The following CDH12 variants were observed in gnomAD, a reference collection of about 807,000 sequenced individuals.
CDH12 encodes cadherin 12.
A neutral mutation model predicts 74.1 loss-of-function variants in CDH12; 41 were observed. That is an observed-to-expected ratio of 0.55 (90% CI 0.43 to 0.72). CDH12 has a LOEUF of 0.72. CDH12 is among the 30% of genes least tolerant of loss of function. CDH12 has a pLI of 0.00. For synonymous variants in CDH12, 399 were observed against 355.0 expected, an observed-to-expected ratio of 1.12 and a Z score of -1.39; for missense variants, 945 against 977.2, an observed-to-expected ratio of 0.97 and a Z score of 0.44.
chr5:22,528,403 G>A (rs1737386902), intron 1 of CDH12, among the ~76,000 whole-genome samples: 1 of 151,948 alleles, frequency 6.6e-6, no homozygotes, highest in Non-Finnish European at 1.5e-5. Flanking sequence ...CAACTTTCAG[G>A]ATCACACTCC....
chr5:22,709,243 A>C (rs1344154546), intron 1 of CDH12, among the ~76,000 whole-genome samples: 1 of 152,212 alleles, frequency 6.6e-6, no homozygotes, highest in Non-Finnish European at 1.5e-5. Context: ...GCAAACAAAT[A>C]ATAACCGGAA....
intron 5 of CDH12, among the ~76,000 whole-genome samples, chr5:21,978,911 T>G (rs1235730431): frequency 1.3e-5 from 2 of 152,200 alleles, no homozygotes; most frequent in Non-Finnish European, 2.9e-5. Flanking sequence ...TGAAACTGCT[T>G]TCTCAAATAT....
intron 1 of CDH12, among the ~76,000 whole-genome samples, chr5:22,781,789 G>T (rs1747397241): frequency 6.6e-6 from 1 of 152,206 alleles, no homozygotes; most frequent in African/African-American, 2.4e-5. Flanking sequence ...AGCAGACAAG[G>T]GATTGGAGGA....
At chr5:22,195,929 G>T (rs1195571804) in intron 4 of CDH12, among the ~76,000 whole-genome samples, 2 of 151,862 alleles carry the variant, frequency 1.3e-5, no homozygotes, top group African/African-American at 4.8e-5. Context: ...CAACCTATTA[G>T]TAGCAATAAT....
At chr5:22,738,787 G>A (rs1205391726) in intron 1 of CDH12, among the ~76,000 whole-genome samples, 1 of 151,786 alleles carries the variant, frequency 6.6e-6, no homozygotes, top group African/African-American at 2.4e-5. Flanking sequence ...TACTTCAAAG[G>A]CACACAGGAA....
chr5:22,470,975 G>T (rs529212322), intron 2 of CDH12, among the ~76,000 whole-genome samples: 1 of 151,958 alleles, frequency 6.6e-6, no homozygotes, highest in African/African-American at 2.4e-5. Flanking sequence ...TTAATTTAAG[G>T]GCATGTCCAA....
At chr5:22,455,794 A>T (rs1296227152) in intron 2 of CDH12, among the ~76,000 whole-genome samples, 1 of 152,204 alleles carries the variant, frequency 6.6e-6, no homozygotes, top group African/African-American at 2.4e-5. Context: ...TAAAAGGAGC[A>T]TCTACAGAGA....
At chr5:22,084,146 C>T (rs191688781) in intron 4 of CDH12, among the ~76,000 whole-genome samples, 2 of 152,202 alleles carry the variant, frequency 1.3e-5, no homozygotes, top group Non-Finnish European at 2.9e-5. Context: ...CCCATCAAGG[C>T]ACTAAACAGG....
chr5:22,794,459 C>T (rs1037459804), intron 1 of CDH12, among the ~76,000 whole-genome samples: 5 of 152,110 alleles, frequency 3.3e-5, no homozygotes, highest in Non-Finnish European at 5.9e-5. Flanking sequence ...TTAACTGGAG[C>T]GGAGTCTGGG....
intron 3 of CDH12, among the ~76,000 whole-genome samples, chr5:22,213,181 G>A (rs1229628957): frequency 1.3e-5 from 2 of 152,128 alleles, no homozygotes; most frequent in Admixed American, 6.5e-5. Context: ...AACCTTTGTC[G>A]AACTAAAATG....
At chr5:21,991,362 TG>T (rs1757741547) in intron 5 of CDH12, among the ~76,000 whole-genome samples, 1 of 151,674 alleles carries the variant, frequency 6.6e-6, no homozygotes, top group South Asian at 2.1e-4. Flanking sequence ...TACACAGATT[TG>T]TGCATGTGTA....
At chr5:22,705,130 T>TATATATACACACATACACACACAC in intron 1 of CDH12, among the ~76,000 whole-genome samples, 1 of 125,616 alleles carries the variant, frequency 8.0e-6, no homozygotes, top group African/African-American at 3.0e-5. Context: ...TATATATATA[T>TATATATACACACATACACACACAC]ACACACACAC....
At chr5:22,776,392 C>T (rs1326308064) in intron 1 of CDH12, among the ~76,000 whole-genome samples, 4 of 152,116 alleles carry the variant, frequency 2.6e-5, no homozygotes, top group Non-Finnish European at 5.9e-5. Context: ...TGATCCCTGT[C>T]CGTCCTTGAG....
chr5:22,433,024 G>A (rs1289560399), intron 2 of CDH12, among the ~76,000 whole-genome samples: 4 of 152,066 alleles, frequency 2.6e-5, no homozygotes, highest in Non-Finnish European at 5.9e-5. Context: ...TACTTTCCCA[G>A]AAGTGATTAG....
chr5:22,185,122 C>T (rs548473649), intron 4 of CDH12, among the ~76,000 whole-genome samples: 5 of 152,102 alleles, frequency 3.3e-5, no homozygotes, highest in Non-Finnish European at 7.3e-5. Flanking sequence ...CTTCCTTCTC[C>T]CTTCTACTTC....
intron 5 of CDH12, among the ~76,000 whole-genome samples, chr5:22,004,347 A>T (rs914224791): frequency 1.3e-5 from 2 of 152,186 alleles, no homozygotes; most frequent in African/African-American, 4.8e-5. Context: ...AAATGAGGGG[A>T]CTAGTGTACA....
chr5:22,423,897 G>A (rs1035631189), intron 2 of CDH12, among the ~76,000 whole-genome samples: 1 of 151,158 alleles, frequency 6.6e-6, no homozygotes, highest in Non-Finnish European at 1.5e-5. Flanking sequence ...CGGCTACTTG[G>A]GTGGCTGAGG....
chr5:22,056,193 T>A (rs1350541241), intron 5 of CDH12, among the ~76,000 whole-genome samples: 1 of 152,152 alleles, frequency 6.6e-6, no homozygotes, highest in Admixed American at 6.6e-5. Context: ...TTATGTATAA[T>A]CACATTTATT....
chr5:22,253,521 A>T (rs1387551146), intron 3 of CDH12, among the ~76,000 whole-genome samples: 1 of 151,914 alleles, frequency 6.6e-6, no homozygotes, highest in Non-Finnish European at 1.5e-5. Context: ...AATAATTTAC[A>T]TATTTTCTGT....
Sources: gnomAD v4.1 joint callset for allele counts (sites outside exome capture counted in the v4.1 genomes callset) on GRCh38, gnomAD v4.1.1 for gene constraint, MANE v1.5 for transcripts, NCBI Gene and HGNC (gene_info 2026-07-23, HGNC 2026-07-21) for gene names.